The following P3H2 variants were observed in gnomAD, a reference collection of about 807,000 sequenced individuals.
The protein encoded by P3H2 is leprecan-like 1.
P3H2 carries 80 observed loss-of-function variants against 87.0 expected under a neutral mutation model. That is an observed-to-expected ratio of 0.92 (90% CI 0.77 to 1.11). The LOEUF is 1.11. P3H2 is among the 50% of genes least tolerant of loss of function. The pLI, the probability that P3H2 is intolerant of heterozygous loss-of-function variation, is 0.00. For synonymous variants in P3H2, 367 were observed against 359.3 expected (o/e 1.02, Z -0.24); for missense variants, 1,001 against 923.9 (o/e 1.08, Z -1.08).
intron 1 of P3H2, among the ~76,000 whole-genome samples, chr3:190,064,875 T>C (rs1438158678): frequency 6.6e-6 from 1 of 152,136 alleles, no homozygotes; most frequent in Non-Finnish European, 1.5e-5. Context: ...AGTCTTCTGA[T>C]ATACAACAAA....
At chr3:190,047,160 C>T (rs752598075) in intron 1 of P3H2, among the ~76,000 whole-genome samples, 17 of 152,144 alleles carry the variant, frequency 1.1e-4, no homozygotes, top group Non-Finnish European at 1.6e-4. Context: ...CATCACCAAT[C>T]ATCAGAGAAA....
chr3:189,972,597 C>T lies in P3H2; in HGVS notation c.1699+277G>A, dbSNP rs112682998. 0.01 allele frequency among the ~76,000 whole-genome samples: 1,526 copies of T among 152,138 alleles called. 12 individuals carry two copies. The highest frequency in any genetic ancestry group is 0.023 in the African/African-American group (942 of 41,494). On this transcript the variant is annotated intron_variant, in intron 11 of 14. Coordinates refer to ENST00000319332, the MANE Select transcript of P3H2 (RefSeq NM_018192.4). ...TTCCTGATTCCTCAAAATGGGAAAC[C>T]TACAGCAGAAAAGCATTTTTTTTTC...
intron 1 of P3H2, among the ~76,000 whole-genome samples, chr3:190,067,304 G>A (rs1726544182): frequency 6.6e-6 from 1 of 152,098 alleles, no homozygotes; most frequent in South Asian, 2.1e-4. Context: ...AAAGGAGAAG[G>A]AAGAAGTGGG....
At chr3:190,070,710 C>T (rs1441998670) in intron 1 of P3H2, among the ~76,000 whole-genome samples, 2 of 152,140 alleles carry the variant, frequency 1.3e-5, no homozygotes, top group Non-Finnish European at 2.9e-5. Context: ...CCATCATTCT[C>T]AAAAAAGCTA....
At chr3:190,093,827 TCAC>T (rs1332303636) in intron 1 of P3H2, among the ~76,000 whole-genome samples, 3 of 152,290 alleles carry the variant, frequency 2.0e-5, no homozygotes, top group Middle Eastern at 3.4e-3. Flanking sequence ...TTAGAAAAAT[TCAC>T]CACATTAATC....
intron 1 of P3H2, among the ~76,000 whole-genome samples, chr3:190,063,689 G>T (rs1726406254): frequency 1.3e-5 from 2 of 152,204 alleles, no homozygotes; most frequent in East Asian, 1.9e-4. Context: ...CACTGTGGTG[G>T]TGGTTGTAAT....
rs1722894135 is a variant in P3H2 at position 189,963,939 on chromosome 3, G to A, written c.2034+19C>T. 1.2e-6 allele frequency: 2 copies of A among 1,613,908 alleles called. No individual in the cohort carries two copies. Among genetic ancestry groups the A allele is most frequent in the African/African-American group, 1.3e-5 (1 of 74,910 alleles). ...ATGAAGCAAGCCTAATTGGCTTTCT[G>A]GGCGGGTGAGAAACTCACCAATTCT... On this transcript the variant is annotated intron_variant, in intron 14 of 14. Coordinates refer to ENST00000319332, the MANE Select transcript of P3H2 (RefSeq NM_018192.4).
intron 1 of P3H2, among the ~76,000 whole-genome samples, chr3:189,997,449 G>A (rs1452528359): frequency 6.6e-6 from 1 of 152,162 alleles, no homozygotes; most frequent in Non-Finnish European, 1.5e-5. Flanking sequence ...TAAAATCACA[G>A]AATGGCATGT....
At chr3:190,040,027 C>T (rs1156501979) in intron 1 of P3H2, among the ~76,000 whole-genome samples, 1 of 152,154 alleles carries the variant, frequency 6.6e-6, no homozygotes, top group Non-Finnish European at 1.5e-5. Context: ...AGAGCAGTGA[C>T]TATAGTTGCA....
At chr3:189,981,048 G>C (rs1202803279) in intron 8 of P3H2, among the ~76,000 whole-genome samples, 2 of 152,240 alleles carry the variant, frequency 1.3e-5, no homozygotes, top group African/African-American at 2.4e-5. Context: ...TTTGCCCATG[G>C]AGGGCATGGA....
chr3:189,989,602 C>G (rs1232293044), intron 3 of P3H2, among the ~76,000 whole-genome samples: 2 of 151,936 alleles, frequency 1.3e-5, no homozygotes, highest in African/African-American at 2.4e-5. Context: ...TTTTTTTAAA[C>G]CTATTGGTCA....
intron 1 of P3H2, among the ~76,000 whole-genome samples, chr3:190,050,189 A>G (rs1200645263): frequency 6.6e-6 from 1 of 152,198 alleles, no homozygotes; most frequent in African/African-American, 2.4e-5. Flanking sequence ...TCTAAGTCAA[A>G]CGGGATTTCT....
chr3:189,958,757 C>A (rs1180860477), intron 14 of P3H2, among the ~76,000 whole-genome samples: 1 of 141,330 alleles, frequency 7.1e-6, no homozygotes, highest in Non-Finnish European at 1.5e-5. Flanking sequence ...AGGCTGGAGT[C>A]CAGTGACGCG....
In P3H2 at chr3:190,120,828, G is replaced by T; in HGVS notation, c.-97C>A. The T allele has an allele frequency of 6.9e-7, 1 of 1,448,274 alleles. No individual in the cohort carries two copies. 89.7% of individuals were successfully genotyped at this position (1,448,274 alleles called of 1,614,324 possible). Reference sequence around the variant, plus strand: ...CTCCCACCTTCCCTCGGGGAAGCGCGCCGACTCCGCCGCGATCTGGCCGCT... The same window carrying T: ...CTCCCACCTTCCCTCGGGGAAGCGCTCCGACTCCGCCGCGATCTGGCCGCT... On this transcript the variant is annotated 5_prime_UTR_variant, in exon 1 of 15. Transcript: ENST00000319332.
chr3:189,957,880 A>G lies in P3H2; in HGVS notation c.*32T>C. The G allele has an allele frequency of 7.0e-7, 1 of 1,419,846 alleles. No homozygotes were observed. The highest frequency in any genetic ancestry group is 1.0e-6 in the Non-Finnish European group (1 of 1,003,512). The allele number at this position is 1,419,846 out of a possible 1,614,324, so 88.0% of individuals were successfully genotyped here. On this transcript the variant is annotated 3_prime_UTR_variant, in exon 15 of 15. Transcript: ENST00000319332. ...GGTTCTCATAAGATTAACAATTTAA[A>G]TAAATATTTGATAGAACATTCTTTC...
At chr3:190,079,482 T>C (rs1726977654) in intron 1 of P3H2, among the ~76,000 whole-genome samples, 1 of 152,196 alleles carries the variant, frequency 6.6e-6, no homozygotes, top group African/African-American at 2.4e-5. Context: ...GAATGATACA[T>C]CAATTTAAAT....
intron 8 of P3H2, among the ~76,000 whole-genome samples, chr3:189,980,027 A>C (rs922585657): frequency 5.3e-5 from 8 of 152,130 alleles, no homozygotes; most frequent in Non-Finnish European, 1.0e-4. Context: ...AAGTGACAGC[A>C]ATGTTTTTTA....
chr3:189,965,917 C>T (rs1475406143), intron 13 of P3H2, among the ~76,000 whole-genome samples: 4 of 142,244 alleles, frequency 2.8e-5, no homozygotes, highest in South Asian at 2.2e-4. Flanking sequence ...ACCTGGGAGA[C>T]GGAAGTTGCA....
chr3:190,110,659 C>T (rs959535753), intron 1 of P3H2, among the ~76,000 whole-genome samples: 1 of 152,116 alleles, frequency 6.6e-6, no homozygotes, highest in African/African-American at 2.4e-5. Flanking sequence ...AATTTGAGCT[C>T]ATTTTTAAAA....
Sources: allele counts gnomAD v4.1 joint callset (sites outside exome capture counted in the v4.1 genomes callset), GRCh38; gene constraint gnomAD v4.1.1; transcripts MANE v1.5; gene names NCBI Gene and HGNC (gene_info 2026-07-23, HGNC 2026-07-21).